GOLGA1: variants seen among roughly 807,000 people sequenced by gnomAD.
The protein encoded by GOLGA1 is golgin subfamily A member 1.
Under a neutral mutation model 119.7 loss-of-function variants are expected in GOLGA1, and 63 were observed. The ratio of observed to expected loss-of-function variants is 0.53; its 90% CI spans 0.43 to 0.65. The LOEUF is 0.65. Ranked by LOEUF, GOLGA1 falls within the 30% of genes least tolerant of loss-of-function variation. GOLGA1 has a pLI of 0.00. For missense variants in GOLGA1, 798 were observed against 912.8 expected (o/e 0.87, Z 1.62); for synonymous variants, 318 against 333.4 (o/e 0.95, Z 0.50).
chr9:124,883,471 G>A (rs985105200), intron 19 of GOLGA1, among the ~76,000 whole-genome samples: 2 of 151,880 alleles, frequency 1.3e-5, no homozygotes, highest in Non-Finnish European at 2.9e-5. Flanking sequence ...TTTTCAGACA[G>A]AGTCTTGCTC....
At chr9:124,942,985 A>G (rs1831082809), upstream of GOLGA1, 1 of 152,218 alleles carries the variant, frequency 6.6e-6, no homozygotes, top group Non-Finnish European at 1.5e-5. Context: ...ATCACATCTC[A>G]TACAAGAGTC....
intron 14 of GOLGA1, 77 bp downstream of exon 14, chr9:124,899,252 C>T: frequency 7.3e-7 from 1 of 1,371,428 alleles, no homozygotes; most frequent in Non-Finnish European, 9.8e-7. Context: ...TGGTGACACA[C>T]TGTCAAGCAC....
chr9:124,904,724 G>A (rs1012205641), intron 12 of GOLGA1, among the ~76,000 whole-genome samples: 6 of 151,962 alleles, frequency 3.9e-5, no homozygotes, highest in African/African-American at 1.2e-4. Flanking sequence ...GGTGGATCAC[G>A]AGGTCAGGAG....
chr9:124,941,942 G>A (rs1304845660), upstream of GOLGA1, among the ~76,000 whole-genome samples: 1 of 152,050 alleles, frequency 6.6e-6, no homozygotes, highest in African/African-American at 2.4e-5. Flanking sequence ...CATGCAGGCA[G>A]TAGGAAAATA....
intron 1 of GOLGA1, chr9:124,947,158 TC>T (rs1831157832): frequency 6.6e-6 from 1 of 152,214 alleles, no homozygotes; most frequent in Non-Finnish European, 1.5e-5. Context: ...ATGGACATTT[TC>T]CTATGTTTTT....
In GOLGA1 at chr9:124,888,825, G is replaced by C. The variant is rs530207204; in HGVS notation, c.1761+318C>G. 4.6e-5 allele frequency among the ~76,000 whole-genome samples: 7 copies of C among 152,160 alleles called. No individual in the cohort carries two copies. The highest frequency in any genetic ancestry group is 1.7e-4 in the African/African-American group (7 of 41,516). ...CATCATTCTCCTGCCTCAGCCTCCC[G>C]AGTAGCTGGGACTACAGGCACTCGC... is the stretch of plus-strand genomic sequence containing the variant. On this transcript the variant is annotated intron_variant, in intron 18 of 22. Coordinates refer to ENST00000373555, the MANE Select transcript of GOLGA1 (RefSeq NM_002077.4). The surrounding 1 kb of genome is among the most constrained non-coding windows in gnomAD (Gnocchi z 4.4).
chr9:124,899,983 C>T (rs552570609), intron 13 of GOLGA1, among the ~76,000 whole-genome samples: 5 of 152,328 alleles, frequency 3.3e-5, no homozygotes, highest in South Asian at 2.1e-4. Flanking sequence ...AAGGACTAAA[C>T]GAAAACACGT....
At chr9:124,933,522 G>T (rs1299769524) in intron 3 of GOLGA1, among the ~76,000 whole-genome samples, 2 of 152,156 alleles carry the variant, frequency 1.3e-5, no homozygotes, top group East Asian at 3.9e-4. Context: ...TTGGGTTCAA[G>T]AGATTCTCCT....
At position 124,881,913 on chromosome 9, in the gene GOLGA1, T is replaced by C. The variant is rs1829594075; in HGVS notation, c.2007A>G (p.Lys669=). The part of the protein sequence containing the change: ...PDNELFEVRE[K]PGPEMANMAP... ...CCATGTTTGCCATCTCAGGTCCAGG[T>C]TTCTCCCGGACTTCGAAGAGCTCAT... The change falls in exon 21 of 23, where the codon AAA becomes AAG. Residue 669 remains lysine (K), a synonymous_variant. Transcript: ENST00000373555. This position sits in a 1 kb window ranked among gnomAD's most constrained non-coding sequence, Gnocchi z 4.9. 6.2e-7 allele frequency: 1 copy of C among 1,611,602 alleles called. No individual in the cohort carries two copies. The highest frequency in any genetic ancestry group is 1.1e-5 in the South Asian group (1 of 90,834).
chr9:124,901,851 T>C (rs1201219307), intron 12 of GOLGA1, among the ~76,000 whole-genome samples: 1 of 152,214 alleles, frequency 6.6e-6, no homozygotes, highest in Non-Finnish European at 1.5e-5. Flanking sequence ...GTGGAATTAC[T>C]GTTCACAATA....
intron 15 of GOLGA1, among the ~76,000 whole-genome samples, chr9:124,897,798 C>A (rs1254189409): frequency 6.6e-6 from 1 of 152,196 alleles, no homozygotes; most frequent in Non-Finnish European, 1.5e-5. Context: ...CTCATCAGAT[C>A]TGATTACTGG....
intron 8 of GOLGA1, among the ~76,000 whole-genome samples, chr9:124,922,750 T>C (rs532386367): frequency 7.8e-4 from 119 of 151,814 alleles, no homozygotes; most frequent in African/African-American, 2.7e-3. Context: ...TACTCCAGCC[T>C]GGGCAACACC....
chr9:124,878,426 A>T lies in GOLGA1; in HGVS notation c.*2104T>A, dbSNP rs1286378084. On this transcript the variant is annotated 3_prime_UTR_variant, in exon 23 of 23. Transcript: ENST00000373555. ...GTATTGCACCACAGATGAATTTGCT[A>T]CAGCAGTTTTCAAGAATACAATCCC... is the stretch of plus-strand genomic sequence containing the variant. The T allele has an allele frequency of 3.3e-5, 5 of 152,654 alleles. No individual in the cohort carries two copies. Among genetic ancestry groups the T allele is most frequent in the Non-Finnish European group, 7.3e-5 (5 of 68,042 alleles). The allele number at this position is 152,654 out of a possible 1,614,324, so 9.5% of individuals were successfully genotyped here.
intron 18 of GOLGA1, 47 bp downstream of exon 18, chr9:124,889,096 G>A (rs1251849028): frequency 1.3e-6 from 2 of 1,507,924 alleles, no homozygotes; most frequent in Non-Finnish European, 1.8e-6. Flanking sequence ...CTCGGCACCT[G>A]CCCTGCATCT....
At chr9:124,941,348 G>C (rs1831018154), upstream of GOLGA1, among the ~76,000 whole-genome samples, 1 of 152,238 alleles carries the variant, frequency 6.6e-6, no homozygotes, top group Non-Finnish European at 1.5e-5. Flanking sequence ...CGCGTGCAGA[G>C]CGTGGTAAGT....
At chr9:124,903,673 G>C (rs1334562871) in intron 12 of GOLGA1, among the ~76,000 whole-genome samples, 2 of 85,184 alleles carry the variant, frequency 2.3e-5, no homozygotes, top group Non-Finnish European at 5.2e-5. Flanking sequence ...AAAAAAAAAA[G>C]ACAAATGGAA....
chr9:124,919,232 G>A lies in GOLGA1; in HGVS notation c.843+1897C>T, dbSNP rs142220059. Among the ~76,000 whole-genome samples, 1,127 of 152,074 alleles carry A rather than the reference G, an allele frequency of 7.4e-3. 52 individuals are homozygous for A. Among genetic ancestry groups the A allele is most frequent in the Admixed American group, 0.066 (1,013 of 15,262 alleles). Reference sequence around the variant, plus strand: ...TTGACGTCACTGCACTCCAGCCTGGGTGAAAGAGCAAGACCGTGTCTCAAA... The same window carrying A: ...TTGACGTCACTGCACTCCAGCCTGGATGAAAGAGCAAGACCGTGTCTCAAA... On this transcript the variant is annotated intron_variant, in intron 10 of 22. Transcript: ENST00000373555.
At chr9:124,937,762 T>C (rs1830905880) in intron 3 of GOLGA1, among the ~76,000 whole-genome samples, 1 of 152,166 alleles carries the variant, frequency 6.6e-6, no homozygotes, top group Non-Finnish European at 1.5e-5. Flanking sequence ...TGAAATCTTA[T>C]AGTCACAAAT....
Position 124,890,363 on chromosome 9 carries a change from G to A in GOLGA1, c.1497+26C>T, listed in dbSNP as rs753929411. 1.6e-5 allele frequency: 23 copies of A among 1,475,800 alleles called. No individual in the cohort carries two copies. In the South Asian group the frequency reaches 2.0e-4, roughly 13 times the overall value. The allele number at this position is 1,475,800 out of a possible 1,614,324, so 91.4% of individuals were successfully genotyped here. On this transcript the variant is annotated intron_variant, in intron 16 of 22. Coordinates refer to ENST00000373555, the MANE Select transcript of GOLGA1 (RefSeq NM_002077.4). ...GCCTGTGGGACTGCAGGGGGACATCGCCCCTCAGCGTGAAACAGGGCCCAC... is the reference window on the plus strand; with the variant it reads ...GCCTGTGGGACTGCAGGGGGACATCACCCCTCAGCGTGAAACAGGGCCCAC...
Sources: allele counts gnomAD v4.1 joint callset (sites outside exome capture counted in the v4.1 genomes callset), GRCh38; gene constraint gnomAD v4.1.1; non-coding constraint Gnocchi (gnomAD v3.1); transcripts MANE v1.5; gene names NCBI Gene and HGNC (gene_info 2026-07-23, HGNC 2026-07-21).